Variants in TBC1D30 observed in about 807,000 individuals in gnomAD.
TBC1D30 encodes the protein TBC1 domain family member 30, also known as TBC1 domain family, member 30.
TBC1D30 carries 31 observed loss-of-function variants against 63.2 expected under a neutral mutation model. That is an observed-to-expected ratio of 0.49 (90% CI 0.37 to 0.66). The LOEUF (loss-of-function observed/expected upper bound fraction) is 0.66, where lower values mean the gene tolerates loss of function less well. TBC1D30 is among the 30% of genes least tolerant of loss of function. TBC1D30 has a pLI of 0.00. For synonymous variants in TBC1D30, 307 were observed against 361.5 expected (o/e 0.85, Z 1.71); for missense variants, 810 against 953.6 (o/e 0.85, Z 1.98).
At chr12:64,788,667 G>A (rs992355815) in intron 2 of TBC1D30, among the ~76,000 whole-genome samples, 1 of 152,152 alleles carries the variant, frequency 6.6e-6, no homozygotes, top group Admixed American at 6.5e-5. Context: ...ATTTGTCAAT[G>A]CATCCTTCCT....
chr12:64,799,418 C>G (rs1320831561), intron 2 of TBC1D30, among the ~76,000 whole-genome samples: 2 of 152,164 alleles, frequency 1.3e-5, no homozygotes, highest in Non-Finnish European at 2.9e-5. Context: ...ACTACTACTG[C>G]AATAATTCCC....
rs1282443160 is a variant in TBC1D30, at chr12:64,789,184, C to CT, written c.643+3154dup. On this transcript the variant is annotated intron_variant, in intron 2 of 12. Coordinates refer to the TBC1D30 transcript ENST00000542120. ...CCCCTTCTTCTTCCTTCTTCTTCTT[C>CT]TTTTTTTTTTTTTTTGGAGACAGAG... Among the ~76,000 whole-genome samples the CT allele has an allele frequency of 8.5e-3, 1,048 of 123,222 alleles. 12 individuals carry two copies. Among genetic ancestry groups the CT allele is most frequent in the African/African-American group, 0.024 (704 of 28,862 alleles). The allele number at this position is 123,222 out of a possible 152,430, so 80.8% of individuals were successfully genotyped here.
intron 2 of TBC1D30, among the ~76,000 whole-genome samples, chr12:64,802,856 A>G (rs1872661384): frequency 1.3e-5 from 2 of 152,314 alleles, no homozygotes; most frequent in South Asian, 2.1e-4. Context: ...ATAGTATTCC[A>G]TGGTGTGTAT....
chr12:64,878,833 C>T lies in TBC1D30; in HGVS notation c.*3045C>T, dbSNP rs1224034578. ...GACCTGCCCAGCATTTGCAGACTCG[C>T]TGGTTCCTGAATATGAGTAAGCACA... On this transcript the variant is annotated 3_prime_UTR_variant, in exon 12 of 12. Transcript: ENST00000539867. 4.3e-6 allele frequency: 1 copy of T among 230,872 alleles called. No individual in the cohort carries two copies. The highest frequency in any genetic ancestry group is 8.8e-6 in the Non-Finnish European group (1 of 113,356). The allele number at this position is 230,872 out of a possible 1,614,324, so 14.3% of individuals were successfully genotyped here.
chr12:64,811,368 C>G (rs1333447663), intron 2 of TBC1D30, among the ~76,000 whole-genome samples: 1 of 152,230 alleles, frequency 6.6e-6, no homozygotes, highest in Non-Finnish European at 1.5e-5. Flanking sequence ...TATACTGAGT[C>G]TGCATCATTG....
chr12:64,782,682 T>C (rs1871353880), intron 1 of TBC1D30, among the ~76,000 whole-genome samples: 1 of 152,248 alleles, frequency 6.6e-6, no homozygotes, highest in African/African-American at 2.4e-5. Context: ...GACTAAAGTT[T>C]AAAGAAGTAG....
intron 2 of TBC1D30, among the ~76,000 whole-genome samples, chr12:64,807,001 T>C (rs1303218603): frequency 3.9e-5 from 6 of 152,038 alleles, no homozygotes; most frequent in Non-Finnish European, 8.8e-5. Context: ...AGACAGAAAG[T>C]TTAATGGTGG....
chr12:64,798,210 C>G (rs1417072028), intron 2 of TBC1D30, among the ~76,000 whole-genome samples: 2 of 152,184 alleles, frequency 1.3e-5, no homozygotes, highest in African/African-American at 4.8e-5. Context: ...ATACAGTATC[C>G]TCAGTGAGCT....
intron 1 of TBC1D30, among the ~76,000 whole-genome samples, chr12:64,782,242 G>T (rs537640137): frequency 2.0e-5 from 3 of 151,694 alleles, no homozygotes; most frequent in Admixed American, 6.6e-5. Flanking sequence ...ATGTCCTTGG[G>T]CTGAGTTACC....
chr12:64,872,132 A>G (rs777912723), intron 11 of TBC1D30, among the ~76,000 whole-genome samples: 1 of 152,170 alleles, frequency 6.6e-6, no homozygotes, highest in Admixed American at 6.5e-5. Context: ...AGTTCAAGCA[A>G]TTCTTGTGCC....
intron 1 of TBC1D30, among the ~76,000 whole-genome samples, chr12:64,766,666 A>AG (rs1192638466): frequency 1.3e-5 from 2 of 152,200 alleles, no homozygotes; most frequent in African/African-American, 4.8e-5. Context: ...AGGACATAGA[A>AG]GACTTGAATA....
chr12:64,781,327 G>A, intron 1 of TBC1D30: 1 of 1,070,244 alleles, frequency 9.3e-7, no homozygotes, highest in Non-Finnish European at 1.1e-6. Context: ...GCTTCCTGGA[G>A]CCGGGTTGTC....
chr12:64,778,813 C>T (rs989342450), upstream of TBC1D30, among the ~76,000 whole-genome samples: 7 of 151,968 alleles, frequency 4.6e-5, no homozygotes, highest in Admixed American at 2.6e-4. Flanking sequence ...TGTGAGCCAT[C>T]GCGCCCGGCT....
chr12:64,770,763 GT>G (rs1366475919), intron 1 of TBC1D30, among the ~76,000 whole-genome samples: 1 of 151,372 alleles, frequency 6.6e-6, no homozygotes, highest in African/African-American at 2.4e-5. Flanking sequence ...GAGTGCAGTG[GT>G]GCGATCTCAG....
chr12:64,764,228 T>G (rs1032342075), intron 1 of TBC1D30, among the ~76,000 whole-genome samples: 10 of 152,240 alleles, frequency 6.6e-5, no homozygotes, highest in Admixed American at 6.5e-4. Context: ...TTACCACTTT[T>G]TAAACATTTT....
chr12:64,786,124 G>T, intron 2 of TBC1D30: 1 of 1,127,160 alleles, frequency 8.9e-7, no homozygotes, highest in Non-Finnish European at 1.2e-6. Context: ...GTCTGTGTTT[G>T]TGAATATATT....
At chr12:64,872,555 A>G (rs1246677706) in intron 11 of TBC1D30, among the ~76,000 whole-genome samples, 3 of 152,110 alleles carry the variant, frequency 2.0e-5, no homozygotes, top group African/African-American at 7.2e-5. Flanking sequence ...GTGCATACAG[A>G]TCATTTGGGG....
intron 8 of TBC1D30, among the ~76,000 whole-genome samples, chr12:64,856,166 G>C (rs1317078706): frequency 6.6e-6 from 1 of 151,888 alleles, no homozygotes; most frequent in African/African-American, 2.4e-5. Context: ...GAGTTAGATG[G>C]GGGGGGTGGG....
At chr12:64,815,719 T>C (rs1873484653) in intron 2 of TBC1D30, among the ~76,000 whole-genome samples, 1 of 152,186 alleles carries the variant, frequency 6.6e-6, no homozygotes, top group African/African-American at 2.4e-5. Flanking sequence ...CTTAATTACG[T>C]GAACTTCCAA....
Sources: gnomAD v4.1 joint callset for allele counts (sites outside exome capture counted in the v4.1 genomes callset) on GRCh38, gnomAD v4.1.1 for gene constraint, MANE v1.5 for transcripts, NCBI Gene and HGNC (gene_info 2026-07-23, HGNC 2026-07-21) for gene names.